SPNS3: variants seen among roughly 807,000 people sequenced by gnomAD.
The protein encoded by SPNS3 is SPNS lysolipid transporter 3, sphingosine-1-phosphate (putative).
In SPNS3, 51 loss-of-function variants were observed where a neutral mutation model predicts 54.4. The ratio of observed to expected loss-of-function variants is 0.94; its 90% CI spans 0.75 to 1.18. SPNS3 has a LOEUF of 1.18. Among genes scored for constraint, SPNS3 ranks in the 50% most tolerant of loss-of-function variants. The pLI is 0.00. For synonymous variants in SPNS3, 309 were observed against 294.7 expected (o/e 1.05, Z -0.50); for missense variants, 669 against 677.4 (o/e 0.99, Z 0.14).
At chr17:4,461,519 A>G (rs896200164) in intron 8 of SPNS3, among the ~76,000 whole-genome samples, 2 of 151,096 alleles carry the variant, frequency 1.3e-5, no homozygotes, top group Non-Finnish European at 2.9e-5. Flanking sequence ...GAGTAGAATC[A>G]CTCTGGCTAC....
intron 8 of SPNS3, among the ~76,000 whole-genome samples, chr17:4,460,797 A>G (rs1203699722): frequency 2.6e-5 from 4 of 152,104 alleles, no homozygotes; most frequent in Non-Finnish European, 4.4e-5. Flanking sequence ...ACGTACATTC[A>G]TAAGAGATAT....
chr17:4,450,190 G>T, intron 7 of SPNS3, among the ~76,000 whole-genome samples: 1 of 151,308 alleles, frequency 6.6e-6, no homozygotes, highest in Non-Finnish European at 1.5e-5. Flanking sequence ...CCTCCCCCAG[G>T]GTTTTGGCGA....
Position 4,434,011 on chromosome 17 carries a change from G to C in SPNS3, c.44G>C (p.Gly15Ala). 1 of 1,596,572 alleles carries C rather than the reference G, an allele frequency of 6.3e-7. No homozygotes were observed. The highest frequency in any genetic ancestry group is 8.5e-7 in the Non-Finnish European group (1 of 1,170,862). Residue 15 changes from glycine to alanine, a missense_variant, in exon 1 of 12, where the codon GGA (glycine) becomes GCA (alanine). By Grantham distance (60) the Gly-to-Ala change is moderately conservative. Coordinates refer to ENST00000355530, the MANE Select transcript of SPNS3 (RefSeq NM_182538.5). The stretch of plus-strand genomic sequence containing the variant: ...GCGGAGTGCCCTGAGCCTGGGCCAG[G>C]AGGTCTGCAGGGCCAGTCCCCAGGG... Reference protein sequence around the residue: ...MSAECPEPGPGGLQGQSPGPG... With the variant: ...MSAECPEPGPAGLQGQSPGPG...
At chr17:4,480,588 G>A (rs369980755) in intron 9 of SPNS3, among the ~76,000 whole-genome samples, 17 of 152,048 alleles carry the variant, frequency 1.1e-4, no homozygotes, top group Admixed American at 2.6e-4. Flanking sequence ...GTCCCCCAGC[G>A]TCTGCATTTG....
intron 2 of SPNS3, 87 bp downstream of exon 2, chr17:4,439,810 C>G (rs2143990717): frequency 7.9e-7 from 1 of 1,271,748 alleles, no homozygotes; most frequent in Middle Eastern, 2.1e-4. Flanking sequence ...GTGCCCAGCT[C>G]CAGCCCCACT....
At chr17:4,436,848 G>A (rs1970729449) in intron 1 of SPNS3, among the ~76,000 whole-genome samples, 1 of 152,212 alleles carries the variant, frequency 6.6e-6, no homozygotes, top group African/African-American at 2.4e-5. Context: ...GAGTTGGAGT[G>A]TGGGCCAAGG....
intron 8 of SPNS3, among the ~76,000 whole-genome samples, chr17:4,458,367 C>T (rs1971371636): frequency 1.6e-5 from 2 of 122,712 alleles, no homozygotes; most frequent in African/African-American, 2.6e-5. Flanking sequence ...CCCTCTCTCT[C>T]TCCCTCCCTC....
intron 8 of SPNS3, among the ~76,000 whole-genome samples, chr17:4,475,423 G>A (rs1300163505): frequency 6.6e-6 from 1 of 152,256 alleles, no homozygotes; most frequent in African/African-American, 2.4e-5. Flanking sequence ...TGGGCAGGAG[G>A]AAGAGGCAGA....
chr17:4,485,075 G>C (rs1053339308), intron 9 of SPNS3: 1 of 152,104 alleles, frequency 6.6e-6, no homozygotes, highest in Non-Finnish European at 1.5e-5. Context: ...TGACCGAAAC[G>C]TAAGTCCTAA....
At chr17:4,450,588 T>G (rs1567559124) in intron 7 of SPNS3, among the ~76,000 whole-genome samples, 1 of 150,424 alleles carries the variant, frequency 6.6e-6, no homozygotes, top group African/African-American at 2.5e-5. Context: ...TATTTTTATT[T>G]TATTTTATTT....
chr17:4,477,173 G>A (rs1438233149), intron 8 of SPNS3, among the ~76,000 whole-genome samples: 1 of 152,206 alleles, frequency 6.6e-6, no homozygotes, highest in African/African-American at 2.4e-5. Context: ...CGTGGGGGGT[G>A]GGGGGCGCTC....
chr17:4,459,796 C>T (rs1373124968), intron 8 of SPNS3, among the ~76,000 whole-genome samples: 1 of 151,778 alleles, frequency 6.6e-6, no homozygotes, highest in Non-Finnish European at 1.5e-5. Context: ...AGAGAACTTA[C>T]ATTCTAGTTG....
chr17:4,466,635 A>C (rs1597330477), intron 8 of SPNS3, among the ~76,000 whole-genome samples: 1 of 146,666 alleles, frequency 6.8e-6, no homozygotes, highest in Admixed American at 6.8e-5. Flanking sequence ...TGAGGTCAGG[A>C]GTTCGAAACC....
At position 4,487,797 on chromosome 17, in the gene SPNS3, C is replaced by T; in HGVS notation, c.1451-9C>T. The T allele has an allele frequency of 6.2e-7, 1 of 1,613,490 alleles. No homozygotes were observed. Among genetic ancestry groups the T allele is most frequent in the Non-Finnish European group, 8.5e-7 (1 of 1,179,396 alleles). Reference sequence around the variant, plus strand: ...CCTTCGGGCAGGCTGAGCATCTTTCCTCCTGCAGGGACCCCAGACAGCAAT... The same window carrying T: ...CCTTCGGGCAGGCTGAGCATCTTTCTTCCTGCAGGGACCCCAGACAGCAAT... On this transcript the variant is annotated splice_polypyrimidine_tract_variant and intron_variant, in intron 11 of 11. Coordinates refer to ENST00000355530, the MANE Select transcript of SPNS3 (RefSeq NM_182538.5).
chr17:4,460,279 C>T (rs913361268), intron 8 of SPNS3, among the ~76,000 whole-genome samples: 13 of 152,048 alleles, frequency 8.5e-5, no homozygotes, highest in East Asian at 1.9e-4. Context: ...TTTTGTCTTC[C>T]GCATCTATTG....
At chr17:4,476,313 C>T (rs2144193059) in intron 8 of SPNS3, among the ~76,000 whole-genome samples, 1 of 152,348 alleles carries the variant, frequency 6.6e-6, no homozygotes, top group African/African-American at 2.4e-5. Flanking sequence ...TGAAAGGCCC[C>T]ATTGTAGCTG....
chr17:4,463,407 A>AC (rs111715508), intron 8 of SPNS3, among the ~76,000 whole-genome samples: 21,173 of 143,778 alleles, frequency 0.15, 1,669 homozygotes, highest in Middle Eastern at 0.2. Context: ...AAAAAAAAAA[A>AC]AAAACAAAAC....
intron 6 of SPNS3, among the ~76,000 whole-genome samples, 167 bp downstream of exon 6, chr17:4,448,470 C>A (rs1183451186): frequency 6.6e-6 from 1 of 152,194 alleles, no homozygotes; most frequent in African/African-American, 2.4e-5. Context: ...GCCTCTCCCT[C>A]CCTTAGGGCT....
intron 9 of SPNS3, chr17:4,482,027 T>G (rs1972168474): frequency 6.6e-6 from 1 of 152,368 alleles, no homozygotes; most frequent in Admixed American, 6.5e-5. Flanking sequence ...TAGCTGGGAC[T>G]ACAGGCATGC....
Sources: allele counts gnomAD v4.1 joint callset (sites outside exome capture counted in the v4.1 genomes callset), GRCh38; gene constraint gnomAD v4.1.1; transcripts MANE v1.5; gene names NCBI Gene and HGNC (gene_info 2026-07-23, HGNC 2026-07-21).